The following ARHGAP33 variants were observed in gnomAD, a reference collection of about 807,000 sequenced individuals.
ARHGAP33 encodes the protein rho GTPase-activating protein 33.
Under a neutral mutation model 126.2 loss-of-function variants are expected in ARHGAP33, and 57 were observed. That is an observed-to-expected ratio of 0.45 (90% CI 0.36 to 0.56). The LOEUF (loss-of-function observed/expected upper bound fraction) is 0.56, where lower values mean the gene tolerates loss of function less well. Ranked by LOEUF, ARHGAP33 falls within the 20% of genes least tolerant of loss-of-function variation. The pLI is 0.00. For missense variants in ARHGAP33, 1,500 were observed against 1,748.3 expected (o/e 0.86, Z 2.53); for synonymous variants, 711 against 755.0 (o/e 0.94, Z 0.95).
chr19:35,784,382 G>A, intron 16 of ARHGAP33, 65 bp downstream of exon 16: 1 of 1,473,140 alleles, frequency 6.8e-7, no homozygotes. Context: ...CAGGGGGAGG[G>A]CAGGTGGGCT....
Position 35,787,030 on chromosome 19 carries a change from C to A in ARHGAP33, c.2560C>A (p.Gln854Lys). Residue 854 changes from glutamine (Q) to lysine (K), a missense_variant, in exon 20 of 21, where the codon CAG (glutamine) becomes AAG (lysine). Physicochemically the swap from Gln to Lys is moderately conservative, Grantham distance 53. Transcript: ENST00000007510. Reference protein sequence around the residue: ...AEAPLTDACQQEMCSKLRGAQ... With the variant: ...AEAPLTDACQKEMCSKLRGAQ... ...GGCCCCGCTGACTGACGCCTGCCAG[C>A]AGGAGATGTGCAGCAAGCTCCGGGG... 1.9e-6 allele frequency: 3 copies of A among 1,609,040 alleles called. No individual in the cohort carries two copies. Among genetic ancestry groups the A allele is most frequent in the Non-Finnish European group, 2.5e-6 (3 of 1,177,616 alleles).
At position 35,781,580 on chromosome 19, in the gene ARHGAP33, A is replaced by G. The variant is rs187344649; in HGVS notation, c.1085+328A>G. 7.2e-5 allele frequency among the ~76,000 whole-genome samples: 11 copies of G among 152,318 alleles called. No homozygotes were observed. In the East Asian group the frequency reaches 1.9e-3, roughly 27 times the overall value. ...TAGAGTTCACCAGAAGATGACAGGT[A>G]CTATGGAGGAAAACAGATTGGGGTA... On this transcript the variant is annotated intron_variant, in intron 12 of 20. Coordinates refer to ENST00000007510, the MANE Select transcript of ARHGAP33 (RefSeq NM_001366178.1).
chr19:35,783,008 C>A, intron 15 of ARHGAP33, 139 bp downstream of exon 15: 3 of 714,968 alleles, frequency 4.2e-6, no homozygotes, highest in South Asian at 3.6e-5. Context: ...GTCCCTAGCA[C>A]TGGGGACCCA....
At chr19:35,784,684 G>A (rs1355765234) in intron 16 of ARHGAP33, 8 of 1,100,538 alleles carry the variant, frequency 7.3e-6, no homozygotes, top group African/African-American at 1.9e-5. Flanking sequence ...GACTCAGCAC[G>A]TCGGAGGGCC....
At chr19:35,780,556 C>A in intron 8 of ARHGAP33, 26 bp from the exon 9 acceptor site, 1 of 1,613,504 alleles carries the variant, frequency 6.2e-7, no homozygotes, top group Admixed American at 1.7e-5. Context: ...TGGGGTGGCC[C>A]AGCTACTGAC....
intron 12 of ARHGAP33, among the ~76,000 whole-genome samples, chr19:35,781,953 G>A (rs1322475669): frequency 1.3e-5 from 2 of 152,164 alleles, no homozygotes; most frequent in Non-Finnish European, 2.9e-5. Flanking sequence ...GAGGGAGGCA[G>A]GAGGTGGCAA....
chr19:35,781,216 G>A lies in ARHGAP33; in HGVS notation c.1049G>A (p.Arg350Gln), dbSNP rs991768455. 1.2e-6 allele frequency: 2 copies of A among 1,613,988 alleles called. No individual in the cohort carries two copies. Among genetic ancestry groups the A allele is most frequent in the South Asian group, 1.1e-5 (1 of 91,082 alleles). Residue 350 changes from arginine (R) to glutamine (Q), a missense_variant, in exon 12 of 21, where the codon CGG becomes CAG. Physicochemically the swap from Arg to Gln is conservative, Grantham distance 43. Transcript: ENST00000007510. Reference protein sequence around the residue: ...EAHGVVDGIYRLSGVSSNIQR... With the variant: ...EAHGVVDGIYQLSGVSSNIQR... ...CACGGGGTGGTGGATGGGATCTACC[G>A]GCTCTCAGGCGTGTCTTCCAACATC... is the stretch of plus-strand genomic sequence containing the variant.
chr19:35,783,502 G>T (rs1971915110), intron 15 of ARHGAP33, among the ~76,000 whole-genome samples: 1 of 152,286 alleles, frequency 6.6e-6, no homozygotes, highest in South Asian at 2.1e-4. Context: ...AGGGCCCCAG[G>T]TGCGCACGTG....
chr19:35,781,381 G>T, intron 12 of ARHGAP33, 129 bp downstream of exon 12: 1 of 903,098 alleles, frequency 1.1e-6, no homozygotes. Flanking sequence ...TGGGGTCAGG[G>T]ACAGCTCTCT....
At position 35,785,501 on chromosome 19, in the gene ARHGAP33, T is replaced by G. The variant is rs120959; in HGVS notation, c.1942+18T>G. On this transcript the variant is annotated intron_variant, in intron 19 of 20. Coordinates refer to ENST00000007510, the MANE Select transcript of ARHGAP33 (RefSeq NM_001366178.1). ...CGGGGCTGGTGAGCAAGGCGGGCAA[T>G]TGGGGGGCGCTACCTGTGCCCATGT... 0.41 allele frequency: 669,272 copies of G among 1,613,726 alleles called. 145,792 individuals carry two copies. Among genetic ancestry groups the G allele is most frequent in the East Asian group, 0.73 (32,648 of 44,868 alleles).
rs1971759439 is a variant in ARHGAP33 at position 35,781,261 on chromosome 19, C to T, written c.1085+9C>T. 1 of 1,613,694 alleles carries T rather than the reference C, an allele frequency of 6.2e-7. No homozygotes were observed. The highest frequency in any genetic ancestry group is 8.5e-7 in the Non-Finnish European group (1 of 1,179,750). On this transcript the variant is annotated intron_variant, in intron 12 of 20. Transcript: ENST00000007510. ...AACATCCAGAGGCTTCGGTGAGGGC[C>T]CTTAGCCAACCCTGTCCTTCCACAG...
In ARHGAP33 at chr19:35,781,259, GC is replaced by G. The variant is rs1971759268; in HGVS notation, c.1085+10del. 2 of 1,613,986 alleles carry G rather than the reference GC, an allele frequency of 1.2e-6. No individual in the cohort carries two copies. The highest frequency in any genetic ancestry group is 1.7e-6 in the Non-Finnish European group (2 of 1,179,890). On this transcript the variant is annotated splice_region_variant and intron_variant, in intron 12 of 20. Coordinates refer to ENST00000007510, the MANE Select transcript of ARHGAP33 (RefSeq NM_001366178.1). ...CCAACATCCAGAGGCTTCGGTGAGG[GC>G]CCTTAGCCAACCCTGTCCTTCCACA...
At position 35,788,048 on chromosome 19, in the gene ARHGAP33, C is replaced by T. The variant is rs1273694205; in HGVS notation, c.3483C>T (p.Arg1161=). ...GYSAPQHPAR[R]PTPPEPLYVN... is the part of the protein sequence containing the mutation. ...CAGCCCCCCAGCACCCTGCTCGGCG[C>T]CCTACACCGCCTGAGCCCCTCTACG... Residue 1161 remains arginine, a synonymous_variant, in exon 21 of 21, where the codon CGC becomes CGT. Transcript: ENST00000007510. 1 of 1,610,386 alleles carries T rather than the reference C, an allele frequency of 6.2e-7. No homozygotes were observed. Among genetic ancestry groups the T allele is most frequent in the East Asian group, 2.2e-5 (1 of 44,632 alleles).
intron 19 of ARHGAP33, chr19:35,785,772 C>T: frequency 7.9e-7 from 1 of 1,262,386 alleles, no homozygotes; most frequent in South Asian, 1.7e-5. Flanking sequence ...ACCCAGCAGC[C>T]AGAACTAGAG....
rs1568436098 is a variant in ARHGAP33 at position 35,788,373 on chromosome 19, T to TA, written c.3809dup (p.Tyr1270Ter). Residue 1270 changes from tyrosine to a stop codon, truncating the protein, a stop_gained and frameshift_variant, in exon 21 of 21, where the codon TAC becomes TAAC. Coordinates refer to ENST00000007510, the MANE Select transcript of ARHGAP33 (RefSeq NM_001366178.1). LOFTEE classifies it high-confidence loss of function. The part of the protein sequence containing the change: ...RGEGAGPPPP[Y>*]PTPSWSLHSE... ...GGAGGGGGCTGGTCCCCCACCCCCTTACCCCACTCCCAGCTGGTCCCTCCA... is the reference window on the plus strand; with the variant it reads ...GGAGGGGGCTGGTCCCCCACCCCCTTAACCCCACTCCCAGCTGGTCCCTCCA... 1 of 1,594,112 alleles carries TA rather than the reference T, an allele frequency of 6.3e-7. No individual in the cohort carries two copies. The highest frequency in any genetic ancestry group is 8.5e-7 in the Non-Finnish European group (1 of 1,171,144).
chr19:35,780,693 G>T (rs1971714766), intron 9 of ARHGAP33, 45 bp downstream of exon 9: 4 of 1,609,542 alleles, frequency 2.5e-6, no homozygotes, highest in Non-Finnish European at 3.4e-6. Context: ...GGGTGGGAAG[G>T]GGTGGGGCCT....
chr19:35,785,574 T>G, intron 19 of ARHGAP33, 91 bp downstream of exon 19: 1 of 1,583,492 alleles, frequency 6.3e-7, no homozygotes. Context: ...AATTTTATAC[T>G]TCACATTTGG....
chr19:35,778,983 G>A, intron 5 of ARHGAP33, 49 bp from the exon 6 acceptor site: 1 of 1,448,214 alleles, frequency 6.9e-7, no homozygotes, highest in Non-Finnish European at 9.5e-7. Context: ...AGGGCAGTGG[G>A]CTCTCTCACG....
At position 35,780,516 on chromosome 19, in the gene ARHGAP33, C is replaced by T. The variant is rs201409475; in HGVS notation, c.702+18C>T. ...GCTTCCAGGTGAGTCCAGCTGGGCG[C>T]GGACAGGTGGGGCTGGGGTACCTGC... On this transcript the variant is annotated intron_variant, in intron 8 of 20. Coordinates refer to ENST00000007510, the MANE Select transcript of ARHGAP33 (RefSeq NM_001366178.1). The T allele has an allele frequency of 5.9e-5, 95 of 1,610,300 alleles. No individual in the cohort carries two copies. The highest frequency in any genetic ancestry group is 2.9e-4 in the East Asian group (13 of 44,832).
Sources: gnomAD v4.1 joint callset for allele counts (sites outside exome capture counted in the v4.1 genomes callset) on GRCh38, gnomAD v4.1.1 for gene constraint, MANE v1.5 for transcripts, NCBI Gene and HGNC (gene_info 2026-07-23, HGNC 2026-07-21) for gene names.